SPATA13: variants seen among roughly 807,000 people sequenced by gnomAD.
The protein encoded by SPATA13 is spermatogenesis-associated protein 13.
In SPATA13, 50 loss-of-function variants were observed where a neutral mutation model predicts 104.0. The ratio of observed to expected loss-of-function variants is 0.48; its 90% confidence interval spans 0.38 to 0.61. The LOEUF (loss-of-function observed/expected upper bound fraction) is 0.61. Ranked by LOEUF, SPATA13 falls within the 20% of genes least tolerant of loss-of-function variation. The probability of loss-of-function intolerance (pLI) is 0.00; values close to 1 mark genes in which losing one functional copy is unlikely to be tolerated. For synonymous variants in SPATA13, 606 were observed against 667.5 expected (o/e 0.91, Z 1.42); for missense variants, 1,524 against 1,690.6 (o/e 0.90, Z 1.73).
At chr13:24,081,945 T>C (rs953367554) in intron 3 of SPATA13, among the ~76,000 whole-genome samples, 2 of 152,080 alleles carry the variant, frequency 1.3e-5, no homozygotes, top group South Asian at 4.2e-4. Context: ...TTCCCAGGAG[T>C]GGGATTGATG....
At chr13:24,040,586 G>T (rs1015336726) in intron 3 of SPATA13, among the ~76,000 whole-genome samples, 6 of 152,022 alleles carry the variant, frequency 3.9e-5, no homozygotes, top group Admixed American at 3.9e-4. Flanking sequence ...TGGGGTCCCG[G>T]GGAGACACAG....
chr13:24,207,190 G>C (rs138154682), intron 1 of SPATA13, among the ~76,000 whole-genome samples: 1 of 152,268 alleles, frequency 6.6e-6, no homozygotes, highest in East Asian at 1.9e-4. Flanking sequence ...ACACATGGTG[G>C]GGAACAACAC....
intron 4 of SPATA13, among the ~76,000 whole-genome samples, chr13:24,277,858 G>A (rs943818197): frequency 2.6e-5 from 4 of 152,186 alleles, no homozygotes; most frequent in African/African-American, 9.7e-5. Context: ...CCTGGACGAA[G>A]CATCAAAGCA....
Position 24,294,807 on chromosome 13 carries a change from A to G in SPATA13, c.3149A>G (p.Lys1050Arg), listed in dbSNP as rs1205426761. ...GTGGCCTGTCTGATCAACGAGCGCA[A>G]GCGCAAGCTGGAGAGCATCGACAAG... The part of the protein sequence containing the change: ...KNVACLINER[K>R]RKLESIDKIA... Residue 1050 changes from lysine (K) to arginine (R), a missense_variant, in exon 10 of 13, where the codon AAG becomes AGG. Coordinates refer to ENST00000382108, the MANE Select transcript of SPATA13 (RefSeq NM_001166271.3). 6.2e-7 allele frequency: 1 copy of G among 1,611,802 alleles called. No homozygotes were observed. Among genetic ancestry groups the G allele is most frequent in the Non-Finnish European group, 8.5e-7 (1 of 1,177,926 alleles).
rs1463670036 is a variant in SPATA13 at position 24,223,913 on chromosome 13, T to C, written c.984T>C (p.Thr328=). Residue 328 remains threonine, a synonymous_variant, in exon 2 of 13, where the codon ACT becomes ACC. Transcript: ENST00000382108. ...DRVFKLVSNV[T]EAAWRRESPR... ...TCTTCAAACTTGTGAGCAATGTGAC[T>C]GAGGCTGCCTGGAGGAGGGAGAGTC... The C allele has an allele frequency of 6.4e-7, 1 of 1,551,578 alleles. No individual in the cohort carries two copies. The highest frequency in any genetic ancestry group is 8.7e-7 in the Non-Finnish European group (1 of 1,146,958).
intron 1 of SPATA13, among the ~76,000 whole-genome samples, chr13:24,169,012 T>C (rs558773988): frequency 5.7e-4 from 87 of 152,314 alleles, no homozygotes; most frequent in Non-Finnish European, 8.8e-4. Context: ...ATTCAATACA[T>C]TTTACTTTTC....
At chr13:23,985,835 C>A (rs376066669) in intron 2 of SPATA13, among the ~76,000 whole-genome samples, 21 of 152,286 alleles carry the variant, frequency 1.4e-4, no homozygotes, top group African/African-American at 4.8e-4. Context: ...CTGGTCACAA[C>A]CCTAGATGGT....
intron 4 of SPATA13, chr13:24,271,011 ACTCTCTCTCACTCTCTCTCT>A (rs1448987965): frequency 3.8e-4 from 250 of 662,138 alleles, no homozygotes; most frequent in South Asian, 7.1e-4. Context: ...CTCTCTCTCC[ACTCTCTCTCACTCTCTCTCT>A]CTCTCTCTCA....
At chr13:24,188,442 A>T (rs1270850509) in intron 1 of SPATA13, among the ~76,000 whole-genome samples, 1 of 152,214 alleles carries the variant, frequency 6.6e-6, no homozygotes, top group African/African-American at 2.4e-5. Context: ...CCAGATAGAG[A>T]TCAAACTGGC....
At position 24,205,477 on chromosome 13, in the gene SPATA13, G is replaced by A. The variant is rs113998475; in HGVS notation, c.-111-17342G>A. 0.029 allele frequency among the ~76,000 whole-genome samples: 4,370 copies of A among 152,120 alleles called. 205 individuals are homozygous for A. Among genetic ancestry groups the A allele is most frequent in the African/African-American group, 0.099 (4,115 of 41,500 alleles). On this transcript the variant is annotated intron_variant, in intron 1 of 12. Transcript: ENST00000382108. This position sits in a 1 kb window ranked among gnomAD's most constrained non-coding sequence, Gnocchi z 4.1. ...AAAACACTCCATGCTATGGATAGGA[G>A]GAATCAATATCATAAAAATGGCCAT...
chr13:24,052,776 C>T (rs1254488213), intron 3 of SPATA13, among the ~76,000 whole-genome samples: 2 of 123,100 alleles, frequency 1.6e-5, no homozygotes, highest in African/African-American at 5.5e-5. Context: ...GTTCCTGTGG[C>T]GGGAGGCAGC....
intron 1 of SPATA13, among the ~76,000 whole-genome samples, chr13:24,220,048 G>GT (rs1222279490): frequency 1.3e-5 from 2 of 152,142 alleles, no homozygotes; most frequent in African/African-American, 4.8e-5. Flanking sequence ...GCTCTTGCCA[G>GT]TTTCTTATCT....
At chr13:24,167,202 A>G (rs1882773725) in intron 1 of SPATA13, among the ~76,000 whole-genome samples, 2 of 152,142 alleles carry the variant, frequency 1.3e-5, no homozygotes, top group Non-Finnish European at 2.9e-5. Context: ...ATCACGCAGG[A>G]AGTGCTTTGT....
chr13:24,016,428 C>A (rs767680006), intron 2 of SPATA13, among the ~76,000 whole-genome samples: 1 of 152,240 alleles, frequency 6.6e-6, no homozygotes, highest in Admixed American at 6.5e-5. Flanking sequence ...TGACTTCTCA[C>A]GTTTCTCAAA....
intron 1 of SPATA13, among the ~76,000 whole-genome samples, chr13:24,201,198 C>T (rs1033614307): frequency 3.3e-5 from 5 of 152,118 alleles, no homozygotes; most frequent in African/African-American, 1.2e-4. Context: ...CCTAGACAAG[C>T]TGTGACCCCC....
chr13:24,126,675 G>C (rs2137830259), intron 3 of SPATA13, among the ~76,000 whole-genome samples: 1 of 152,226 alleles, frequency 6.6e-6, no homozygotes, highest in Non-Finnish European at 1.5e-5. Flanking sequence ...TCCCACCTTA[G>C]CCTACTGAGT....
At chr13:24,291,335 A>G (rs554679775) in intron 9 of SPATA13, among the ~76,000 whole-genome samples, 50 of 152,318 alleles carry the variant, frequency 3.3e-4, no homozygotes, top group African/African-American at 1.2e-3. Flanking sequence ...TGGCAGAAAC[A>G]TTACTTACTA....
chr13:24,123,874 A>C, intron 3 of SPATA13: 1 of 678,136 alleles, frequency 1.5e-6, no homozygotes, highest in Non-Finnish European at 2.6e-6. Flanking sequence ...TAAAGCAGAA[A>C]ATAAAACTCC....
At chr13:24,243,551 C>T (rs927694864) in intron 2 of SPATA13, among the ~76,000 whole-genome samples, 39 of 152,178 alleles carry the variant, frequency 2.6e-4, no homozygotes, top group Admixed American at 1.3e-4. Flanking sequence ...TTTTCTGGCT[C>T]TATTAACGTG....
Sources: gnomAD v4.1 joint callset for allele counts (sites outside exome capture counted in the v4.1 genomes callset) on GRCh38, gnomAD v4.1.1 for gene constraint, Gnocchi (gnomAD v3.1) non-coding constraint, MANE v1.5 for transcripts, NCBI Gene and HGNC (gene_info 2026-07-23, HGNC 2026-07-21) for gene names.